Variants in GRIPAP1 observed in about 807,000 individuals in gnomAD.
The protein encoded by GRIPAP1 is GRIP1 associated protein 1, also known as GRIP1-associated protein 1.
GRIPAP1 carries 14 observed loss-of-function variants against 84.1 expected under a neutral mutation model. The observed-to-expected ratio is 0.17, with a 90% confidence interval of 0.11 to 0.26. The LOEUF (loss-of-function observed/expected upper bound fraction) is 0.26, where lower values mean the gene tolerates loss of function less well. GRIPAP1 is among the 10% of genes least tolerant of loss of function. GRIPAP1 has a pLI of 1.00. For missense variants in GRIPAP1, 518 were observed against 674.2 expected, an observed-to-expected ratio of 0.77 and a Z score of 2.57; for synonymous variants, 261 against 256.8, an observed-to-expected ratio of 1.02 and a Z score of -0.15.
chrX:48,988,298 C>A (rs2064503392), intron 11 of GRIPAP1, 100 bp from the exon 12 acceptor site: 1 of 570,458 alleles, frequency 1.8e-6, no homozygotes. Flanking sequence ...ATGTTCTCAG[C>A]ACCTGTGGGT....
At chrX:48,986,486 G>A (rs2064488581) in intron 13 of GRIPAP1, among the ~76,000 whole-genome samples, 1 of 110,329 alleles carries the variant, frequency 9.1e-6, no homozygotes, top group Admixed American at 9.6e-5. Flanking sequence ...CCACCTCCCA[G>A]GTTCAAGCAA....
At chrX:48,975,940 G>A (rs2064419953) in intron 24 of GRIPAP1, 78 bp downstream of exon 24, 2 of 838,216 alleles carry the variant, frequency 2.4e-6, no homozygotes, top group African/African-American at 3.9e-5. Context: ...GGAGAGGAGA[G>A]AAGCCGCAGC....
At chrX:48,998,218 C>T (rs782488202) in intron 3 of GRIPAP1, 38 bp from the exon 4 acceptor site, 1 of 1,040,365 alleles carries the variant, frequency 9.6e-7, no homozygotes, top group Non-Finnish European at 1.3e-6. Context: ...CTAAAGTGAA[C>T]AGAGATGGAC....
chrX:48,997,225 C>A (rs1569520101), intron 5 of GRIPAP1, 25 bp downstream of exon 5: 1 of 891,681 alleles, frequency 1.1e-6, no homozygotes, highest in East Asian at 3.2e-5. Flanking sequence ...CTCATTTCCC[C>A]TTTGACTATC....
At position 48,973,787 on chromosome X, in the gene GRIPAP1, C is replaced by CAT. The variant is rs1557059567; in HGVS notation, c.*405_*406insAT. On this transcript the variant is annotated 3_prime_UTR_variant, in exon 26 of 26. Transcript: ENST00000376423. The stretch of plus-strand genomic sequence containing the variant: ...TAGCCTTTACACACACACACACACA[C>CAT]GTGTTGCTAGAACGCTGAACATGGA... The CAT allele has an allele frequency of 1.7e-5, 2 of 116,608 alleles. No homozygotes were observed. Among genetic ancestry groups the CAT allele is most frequent in the African/African-American group, 6.5e-5 (2 of 30,885 alleles). 9.6% of individuals were successfully genotyped at this position (116,608 alleles called of 1,213,427 possible).
At position 49,002,242 on chromosome X, in the gene GRIPAP1, A is replaced by T; in HGVS notation, c.-13T>A. The T allele has an allele frequency of 1.1e-6, 1 of 873,626 alleles. No homozygotes were observed. The highest frequency in any genetic ancestry group is 1.6e-6 in the Non-Finnish European group (1 of 623,532). 72.0% of individuals were successfully genotyped at this position (873,626 alleles called of 1,213,427 possible). A position where few individuals can be genotyped will look rare whatever the true frequency, so the allele number is the denominator to read the frequency against. ...GAGCTTGCGCCATGTTCCTCCCCCC[A>T]CCCCCCCGCCAGCTTTCTGCGCAGA... On this transcript the variant is annotated 5_prime_UTR_variant, in exon 1 of 26. Transcript: ENST00000376423.
Position 48,987,840 on chromosome X carries a change from T to C in GRIPAP1, c.986A>G (p.Glu329Gly). The part of the protein sequence containing the change: ...IQSADAQEQV[E>G]GLLAENNALR... ...GGCATTGTTCTCAGCCAAAAGCCCTTCCACTTGTTCCTGTGCATCTGCACT... is the reference window on the plus strand; with the variant it reads ...GGCATTGTTCTCAGCCAAAAGCCCTCCCACTTGTTCCTGTGCATCTGCACT... The change falls in exon 13 of 26, where the codon GAA becomes GGA. Residue 329 changes from glutamate to glycine, a missense_variant. By Grantham distance (98) the Glu-to-Gly change is moderately conservative. Coordinates refer to ENST00000376423, the MANE Select transcript of GRIPAP1 (RefSeq NM_020137.5). 8.3e-7 allele frequency: 1 copy of C among 1,204,448 alleles called. No homozygotes were observed. The highest frequency in any genetic ancestry group is 1.1e-6 in the Non-Finnish European group (1 of 890,747).
chrX:48,994,316 C>T (rs1294364836), intron 5 of GRIPAP1, among the ~76,000 whole-genome samples: 1 of 107,724 alleles, frequency 9.3e-6, no homozygotes, highest in Non-Finnish European at 1.9e-5. Context: ...CTCCGCCACC[C>T]GGGTTCAAGT....
Position 48,974,347 on chromosome X carries a change from T to C in GRIPAP1, c.2434-62A>G, listed in dbSNP as rs1026612770. On this transcript the variant is annotated intron_variant, in intron 25 of 25. Transcript: ENST00000376423. ...GGACAGGCTGCTCCCTTGCCAAACG[T>C]AGGGTATCATCTGTGATTTCCCTCA... 7 of 699,575 alleles carry C rather than the reference T, an allele frequency of 1.0e-5. No homozygotes were observed. In the African/African-American group the frequency reaches 1.1e-4, roughly 11 times the overall value. 57.7% of individuals were successfully genotyped at this position (699,575 alleles called of 1,213,427 possible).
In GRIPAP1 at chrX:48,999,424, C is replaced by T; in HGVS notation, c.109+14G>A. 2 of 1,181,322 alleles carry T rather than the reference C, an allele frequency of 1.7e-6. No individual in the cohort carries two copies. Among genetic ancestry groups the T allele is most frequent in the Non-Finnish European group, 2.3e-6 (2 of 867,879 alleles). On this transcript the variant is annotated intron_variant, in intron 2 of 25. Transcript: ENST00000376423. Reference sequence around the variant, plus strand: ...CCAAAGCCACCCCCATCTAATAAGGCCCTCCTGGCTCACCAACACCATTCT... The same window carrying T: ...CCAAAGCCACCCCCATCTAATAAGGTCCTCCTGGCTCACCAACACCATTCT...
intron 2 of GRIPAP1, 63 bp from the exon 3 acceptor site, chrX:48,999,362 T>C (rs782464246): frequency 2.7e-6 from 3 of 1,131,959 alleles, no homozygotes; most frequent in East Asian, 3.0e-5. Flanking sequence ...AAGGCCTTCC[T>C]GCCAGGCCTC....
intron 21 of GRIPAP1, among the ~76,000 whole-genome samples, chrX:48,979,505 A>AAAAATAAG (rs2064443413): frequency 7.3e-4 from 1 of 1,376 alleles, no homozygotes; most frequent in Non-Finnish European, 1.4e-3. Flanking sequence ...AAAAAAAAGA[A>AAAAATAAG]ATGCAAGCAG....
At chrX:48,976,786 A>G (rs2064424901) in intron 22 of GRIPAP1, 1 of 124,306 alleles carries the variant, frequency 8.0e-6, no homozygotes. Context: ...AGGGCCATAA[A>G]ACAACCAGAT....
At chrX:48,989,789 G>T in intron 10 of GRIPAP1, 46 bp downstream of exon 10, 1 of 1,163,105 alleles carries the variant, frequency 8.6e-7, no homozygotes, top group Non-Finnish European at 1.2e-6. Flanking sequence ...ATCTTCACTG[G>T]GCACTGTCCC....
At chrX:48,981,923 C>CCCTAACTGGGCATGATA in intron 17 of GRIPAP1, 51 bp from the exon 18 acceptor site, 1 of 921,789 alleles carries the variant, frequency 1.1e-6, no homozygotes, top group Non-Finnish European at 1.5e-6. Context: ...GGTATCATGC[C>CCCTAACTGGGCATGATA]CAGTTAGGGG....
chrX:48,994,787 T>G (rs1181153681), intron 5 of GRIPAP1, among the ~76,000 whole-genome samples: 1 of 112,054 alleles, frequency 8.9e-6, no homozygotes, highest in Non-Finnish European at 1.9e-5. Flanking sequence ...ACTAGCTGTG[T>G]GACAAATTAC....
chrX:48,989,942 C>T (rs1557064995), intron 9 of GRIPAP1, 30 bp downstream of exon 9: 3 of 1,202,541 alleles, frequency 2.5e-6, no homozygotes, highest in South Asian at 3.5e-5. Flanking sequence ...CCCCCTCGGC[C>T]CCCAGTACCC....
In GRIPAP1 at chrX:48,990,912, A is replaced by T; in HGVS notation, c.642+14T>A. The T allele has an allele frequency of 8.8e-7, 1 of 1,135,141 alleles. No individual in the cohort carries two copies. 93.5% of individuals were successfully genotyped at this position (1,135,141 alleles called of 1,213,427 possible). A position where few individuals can be genotyped will look rare whatever the true frequency, so the allele number is the denominator to read the frequency against. On this transcript the variant is annotated intron_variant, in intron 7 of 25. Transcript: ENST00000376423. Reference sequence around the variant, plus strand: ...TGCCTTCTGGCATTCCAGCTCCAACAGACTCAGATTCACCTCTAAGCCTTG... The same window carrying T: ...TGCCTTCTGGCATTCCAGCTCCAACTGACTCAGATTCACCTCTAAGCCTTG...
Position 48,982,991 on chromosome X carries a change from C to G in GRIPAP1, c.1587G>C (p.Leu529Phe), listed in dbSNP as rs1569519506. The part of the protein sequence containing the change: ...DGAKGWFERR[L>F]KEAEESLQQQ... Reference sequence around the variant, plus strand: ...ATCACCAACTCACCTCGGCTTCCTTCAAGCGCCGTTCAAACCAGCCCTTGG... The same window carrying G: ...ATCACCAACTCACCTCGGCTTCCTTGAAGCGCCGTTCAAACCAGCCCTTGG... The change falls in exon 17 of 26, where the codon TTG becomes TTC. Residue 529 changes from leucine (L) to phenylalanine (F), a missense_variant. Leu to Phe is a conservative substitution (Grantham distance 22). Around this residue, in one of 5 missense-constraint regions of GRIPAP1, gnomAD observed 372 missense variants for 458.1 expected, o/e 0.81. Coordinates refer to ENST00000376423, the MANE Select transcript of GRIPAP1 (RefSeq NM_020137.5). 2 of 1,195,476 alleles carry G rather than the reference C, an allele frequency of 1.7e-6. No homozygotes were observed. The highest frequency in any genetic ancestry group is 3.5e-5 in the African/African-American group (2 of 57,647).
Sources: gnomAD v4.1 joint callset for allele counts (sites outside exome capture counted in the v4.1 genomes callset) on GRCh38, gnomAD v4.1.1 for gene constraint, gnomAD v4.1.1 regional missense constraint, MANE v1.5 for transcripts, NCBI Gene and HGNC (gene_info 2026-07-23, HGNC 2026-07-21) for gene names.